ZNF440: variants seen among roughly 807,000 people sequenced by gnomAD.
ZNF440 encodes the protein zinc finger protein 440.
ZNF440 carries 47 observed loss-of-function variants against 49.7 expected under a neutral mutation model. The observed-to-expected ratio is 0.95, with a 90% CI of 0.75 to 1.21. The LOEUF (loss-of-function observed/expected upper bound fraction) is 1.21, where lower values mean the gene tolerates loss of function less well. ZNF440 is among the 50% of genes most tolerant of loss of function. ZNF440 has a pLI of 0.00. For missense variants in ZNF440, 703 were observed against 715.0 expected (o/e 0.98, Z 0.19); for synonymous variants, 255 against 237.7 (o/e 1.07, Z -0.67).
intron 1 of ZNF440, among the ~76,000 whole-genome samples, chr19:11,815,327 A>ACACACACACACACACAC (rs1568237561): frequency 2.9e-5 from 2 of 68,320 alleles, no homozygotes; most frequent in Admixed American, 1.4e-4. Flanking sequence ...CACACACACA[A>ACACACACACACACACAC]ATTAAATAGG....
At chr19:11,816,509 A>G (rs930175910) in intron 1 of ZNF440, 4 of 152,184 alleles carry the variant, frequency 2.6e-5, no homozygotes, top group Admixed American at 2.6e-4. Flanking sequence ...AAACTCCTAA[A>G]GGGAGAGGGT....
chr19:11,829,289 A>G (rs1369007667), intron 1 of ZNF440, among the ~76,000 whole-genome samples: 1 of 151,256 alleles, frequency 6.6e-6, no homozygotes, highest in Non-Finnish European at 1.5e-5. Context: ...CCTGGGCATC[A>G]TAATGGAAGT....
chr19:11,820,759 A>G (rs934452287), intron 1 of ZNF440, among the ~76,000 whole-genome samples: 4 of 152,140 alleles, frequency 2.6e-5, no homozygotes, highest in Non-Finnish European at 2.9e-5. Context: ...GTTTCCATTC[A>G]TTGGAGACAC....
Position 11,832,686 on chromosome 19 carries a change from A to G in ZNF440, c.1510A>G (p.Ile504Val). Residue 504 changes from isoleucine to valine, a missense_variant, in exon 4 of 4, where the codon ATC becomes GTC. Coordinates refer to ENST00000304060, the MANE Select transcript of ZNF440 (RefSeq NM_152357.3). ...VPSVVPVPFD[I>V]MKGLTLERSP... ...TTCAGTAGTTCCAGTTCCTTTTGAT[A>G]TCATGAAAGGACTCACACTGGAGAG... The G allele has an allele frequency of 3.1e-6, 5 of 1,613,674 alleles. No homozygotes were observed. The highest frequency in any genetic ancestry group is 4.2e-6 in the Non-Finnish European group (5 of 1,179,912).
At chr19:11,821,835 C>T (rs976951563) in intron 1 of ZNF440, among the ~76,000 whole-genome samples, 4 of 152,148 alleles carry the variant, frequency 2.6e-5, no homozygotes, top group Admixed American at 2.0e-4. Context: ...AGAATGATTG[C>T]GTAGGTCAGT....
intron 1 of ZNF440, chr19:11,827,786 T>A (rs894084109): frequency 5.9e-5 from 9 of 152,238 alleles, no homozygotes; most frequent in African/African-American, 2.2e-4. Context: ...GTCTAATTTT[T>A]TATTTTATTA....
chr19:11,832,772 C>T lies in ZNF440; in HGVS notation c.1596C>T (p.Cys532=), dbSNP rs781022549. 33 of 1,613,086 alleles carry T rather than the reference C, an allele frequency of 2.0e-5. No homozygotes were observed. Among genetic ancestry groups the T allele is most frequent in the Non-Finnish European group, 2.8e-5 (33 of 1,179,702 alleles). ...KPSELCQSFE[C]MVGLTLKRNP... ...CAGAGCTGTGTCAATCCTTTGAATG[C>T]ATGGTAGGACTCACCCTGAAGAGAA... Residue 532 remains cysteine, a synonymous_variant, in exon 4 of 4, where the codon TGC becomes TGT. Coordinates refer to ENST00000304060, the MANE Select transcript of ZNF440 (RefSeq NM_152357.3).
chr19:11,821,731 T>G (rs1360949297), intron 1 of ZNF440, among the ~76,000 whole-genome samples: 2 of 152,268 alleles, frequency 1.3e-5, no homozygotes. Flanking sequence ...ACGGCCCCTC[T>G]GTGGGCTTGT....
intron 1 of ZNF440, among the ~76,000 whole-genome samples, chr19:11,824,228 T>C (rs1975835293): frequency 6.6e-6 from 1 of 151,136 alleles, no homozygotes; most frequent in African/African-American, 2.4e-5. Flanking sequence ...AGAAAAAAAT[T>C]AGTTTCAATA....
At position 11,832,706 on chromosome 19, in the gene ZNF440, G is replaced by A. The variant is rs373383189; in HGVS notation, c.1530G>A (p.Leu510=). 3 of 1,613,984 alleles carry A rather than the reference G, an allele frequency of 1.9e-6. No homozygotes were observed. Among genetic ancestry groups the A allele is most frequent in the Non-Finnish European group, 2.5e-6 (3 of 1,180,002 alleles). Residue 510 remains leucine, a synonymous_variant, in exon 4 of 4, where the codon CTG becomes CTA. Coordinates refer to ENST00000304060, the MANE Select transcript of ZNF440 (RefSeq NM_152357.3). ...VPFDIMKGLT[L]ERSPINASNV... Reference sequence around the variant, plus strand: ...TTGATATCATGAAAGGACTCACACTGGAGAGAAGCCCTATAAATGCGAGCA... The same window carrying A: ...TTGATATCATGAAAGGACTCACACTAGAGAGAAGCCCTATAAATGCGAGCA...
In ZNF440 at chr19:11,832,908, A is replaced by C. The variant is rs752451455; in HGVS notation, c.1732A>C (p.Asn578His). Reference sequence around the variant, plus strand: ...CCCTATGCATGTAAGGAATGTGGGAAACCCTTCGGATCTGCCCAGAACCTT... The same window carrying C: ...CCCTATGCATGTAAGGAATGTGGGACACCCTTCGGATCTGCCCAGAACCTT... ...RSPMHVRNVG[N>H]PSDLPRTFEF... Residue 578 changes from asparagine (N) to histidine (H), a missense_variant, in exon 4 of 4, where the codon AAC becomes CAC. Physicochemically the swap from Asn to His is moderately conservative, Grantham distance 68. Coordinates refer to ENST00000304060, the MANE Select transcript of ZNF440 (RefSeq NM_152357.3). 29 of 1,612,518 alleles carry C rather than the reference A, an allele frequency of 1.8e-5. No homozygotes were observed. Among genetic ancestry groups the C allele is most frequent in the Non-Finnish European group, 1.7e-5 (20 of 1,179,362 alleles).
At chr19:11,814,510 C>A in intron 1 of ZNF440, 60 bp downstream of exon 1, 1 of 1,429,170 alleles carries the variant, frequency 7.0e-7, no homozygotes. Flanking sequence ...CGGCCGGAAC[C>A]GGCTGAGGCG....
In ZNF440 at chr19:11,830,354, G is replaced by A; in HGVS notation, c.75G>A (p.Gln25=). ...AGTGGGCTTTGCTGGATATTTCCCAGAGGAAACTCTACAGGGAAGTGATGC... is the reference window on the plus strand; with the variant it reads ...AGTGGGCTTTGCTGGATATTTCCCAAAGGAAACTCTACAGGGAAGTGATGC... ...QEEWALLDIS[Q]RKLYREVMLE... The change falls in exon 2 of 4, where the codon CAG becomes CAA. Residue 25 remains glutamine (Q), a synonymous_variant. Coordinates refer to ENST00000304060, the MANE Select transcript of ZNF440 (RefSeq NM_152357.3). The A allele has an allele frequency of 6.2e-7, 1 of 1,614,180 alleles. No individual in the cohort carries two copies. Among genetic ancestry groups the A allele is most frequent in the Non-Finnish European group, 8.5e-7 (1 of 1,180,050 alleles).
In ZNF440 at chr19:11,833,640, A is replaced by C. The variant is rs1975982444; in HGVS notation, c.*676A>C. The stretch of plus-strand genomic sequence containing the variant: ...TTTTCAATATCATGAAAGGACTCAC[A>C]TGGGAGAGAAACCCTATGAGTGTAT... On this transcript the variant is annotated 3_prime_UTR_variant, in exon 4 of 4. Transcript: ENST00000304060. 2.6e-6 allele frequency: 1 copy of C among 388,772 alleles called. No homozygotes were observed. The highest frequency in any genetic ancestry group is 2.2e-5 in the African/African-American group (1 of 46,506). 24.1% of individuals were successfully genotyped at this position (388,772 alleles called of 1,614,324 possible). A position where few individuals can be genotyped will look rare whatever the true frequency, so the allele number is the denominator to read the frequency against.
chr19:11,815,590 A>G (rs1027810871), intron 1 of ZNF440, among the ~76,000 whole-genome samples: 8 of 152,016 alleles, frequency 5.3e-5, no homozygotes. Flanking sequence ...GTTAAAAATT[A>G]AACTGAGGTA....
chr19:11,825,836 A>G (rs1975858569), intron 1 of ZNF440, among the ~76,000 whole-genome samples: 1 of 124,628 alleles, frequency 8.0e-6, no homozygotes, highest in Admixed American at 8.5e-5. Flanking sequence ...TTTTTTTGAG[A>G]CAGAGTTTCA....
chr19:11,826,604 T>C (rs2545813), intron 1 of ZNF440, among the ~76,000 whole-genome samples: 57,635 of 151,658 alleles, frequency 0.38, 11,350 homozygotes, highest in African/African-American at 0.47. Flanking sequence ...GGATTTTAGC[T>C]ACTCCACCAG....
At chr19:11,819,591 G>C (rs1056994443) in intron 1 of ZNF440, among the ~76,000 whole-genome samples, 2 of 152,084 alleles carry the variant, frequency 1.3e-5, no homozygotes, top group African/African-American at 4.8e-5. Flanking sequence ...TAAAGGTGGG[G>C]GTTTCACCAT....
chr19:11,830,600 C>T lies in ZNF440; in HGVS notation c.131-17C>T. ...TTATACTGCCTCAGGACTATTTTTT[C>T]TGTGTCTGTATTTTAGGAAAAAGGT... On this transcript the variant is annotated splice_polypyrimidine_tract_variant and intron_variant, in intron 2 of 3. Transcript: ENST00000304060. 1 of 1,611,658 alleles carries T rather than the reference C, an allele frequency of 6.2e-7. No individual in the cohort carries two copies. The highest frequency in any genetic ancestry group is 1.1e-5 in the South Asian group (1 of 90,264).
Sources: gnomAD v4.1 joint callset for allele counts (sites outside exome capture counted in the v4.1 genomes callset) on GRCh38, gnomAD v4.1.1 for gene constraint, MANE v1.5 for transcripts, NCBI Gene and HGNC (gene_info 2026-07-23, HGNC 2026-07-21) for gene names.